The following MGAT5 variants were observed in gnomAD, a reference collection of about 807,000 sequenced individuals.
The protein encoded by MGAT5 is alpha-1,6-mannosylglycoprotein 6-beta-N-acetylglucosaminyltransferase A.
In MGAT5, 30 loss-of-function variants were observed where a neutral mutation model predicts 94.3. The observed-to-expected ratio is 0.32, with a 90% CI of 0.24 to 0.43. MGAT5 has a LOEUF of 0.43. MGAT5 is among the 20% of genes least tolerant of loss of function. The pLI, the probability that MGAT5 is intolerant of heterozygous loss-of-function variation, is 1.00. For synonymous variants in MGAT5, 310 were observed against 322.9 expected (o/e 0.96, Z 0.43); for missense variants, 691 against 905.5 (o/e 0.76, Z 3.04).
chr2:134,161,132 A>G (rs539981911), intron 1 of MGAT5, among the ~76,000 whole-genome samples: 2 of 152,346 alleles, frequency 1.3e-5, no homozygotes, highest in South Asian at 2.1e-4. Flanking sequence ...AGCTCTTTAC[A>G]GGATATATAA....
chr2:134,169,417 C>CACAG (rs1553487203), intron 1 of MGAT5, among the ~76,000 whole-genome samples: 1 of 128,680 alleles, frequency 7.8e-6, no homozygotes, highest in Non-Finnish European at 1.7e-5. Flanking sequence ...CACACAGACA[C>CACAG]ACACACACAC....
intron 1 of MGAT5, among the ~76,000 whole-genome samples, chr2:134,169,255 CA>C (rs1688086715): frequency 6.6e-6 from 1 of 152,012 alleles, no homozygotes. Flanking sequence ...AATGGGATTT[CA>C]AGGCCGGGCG....
intron 10 of MGAT5, among the ~76,000 whole-genome samples, chr2:134,365,048 A>G (rs1680338808): frequency 6.6e-6 from 1 of 152,022 alleles, no homozygotes; most frequent in South Asian, 2.1e-4. Flanking sequence ...CCCAATCCCG[A>G]TTCACCTCAG....
At chr2:134,260,443 G>A (rs1179555354) in intron 1 of MGAT5, among the ~76,000 whole-genome samples, 3 of 152,124 alleles carry the variant, frequency 2.0e-5, no homozygotes, top group Non-Finnish European at 4.4e-5. Flanking sequence ...TAGGGCTGCC[G>A]AAGATTGCTC....
chr2:134,171,216 A>G (rs1333711799), intron 1 of MGAT5, among the ~76,000 whole-genome samples: 3 of 152,164 alleles, frequency 2.0e-5, no homozygotes, highest in Non-Finnish European at 4.4e-5. Context: ...TTCTTCAGGG[A>G]GAAACAGCTA....
At chr2:134,175,656 T>G (rs1573795679) in intron 1 of MGAT5, among the ~76,000 whole-genome samples, 1 of 152,232 alleles carries the variant, frequency 6.6e-6, no homozygotes, top group Non-Finnish European at 1.5e-5. Flanking sequence ...TGGGTCCCAC[T>G]TGGCGGAGCT....
chr2:134,412,864 T>C lies in MGAT5; in HGVS notation c.1531-5T>C. ...TCATACGCTGTGTGGTTTTCTGTCT[T>C]ACAGTTGTTTGTTGGACTTGGGTTC... On this transcript the variant is annotated splice_polypyrimidine_tract_variant and splice_region_variant and intron_variant, in intron 11 of 15. Coordinates refer to ENST00000281923, the MANE Select transcript of MGAT5 (RefSeq NM_002410.5). The C allele has an allele frequency of 6.2e-7, 1 of 1,614,100 alleles. No homozygotes were observed. The highest frequency in any genetic ancestry group is 8.5e-7 in the Non-Finnish European group (1 of 1,179,974).
intron 2 of MGAT5, among the ~76,000 whole-genome samples, chr2:134,276,828 T>A (rs2105688082): frequency 6.6e-6 from 1 of 152,294 alleles, no homozygotes; most frequent in South Asian, 2.1e-4. Flanking sequence ...GTTAGAGATG[T>A]TCCTATGGCC....
intron 2 of MGAT5, among the ~76,000 whole-genome samples, chr2:134,281,625 G>A (rs1482243693): frequency 2.0e-5 from 3 of 152,156 alleles, no homozygotes; most frequent in Admixed American, 6.6e-5. Context: ...CCTGTCACAA[G>A]GCAGAAGTTG....
intron 2 of MGAT5, among the ~76,000 whole-genome samples, chr2:134,291,147 G>A (rs552861527): frequency 2.6e-5 from 4 of 152,216 alleles, no homozygotes; most frequent in Admixed American, 6.5e-5. Flanking sequence ...TTGAAGGTGT[G>A]TAGTGGACTA....
chr2:134,429,262 G>C (rs1347195986), intron 14 of MGAT5, among the ~76,000 whole-genome samples: 1 of 152,222 alleles, frequency 6.6e-6, no homozygotes, highest in African/African-American at 2.4e-5. Flanking sequence ...GCCCAAGGTG[G>C]GCTTCAAAGG....
At chr2:134,218,575 A>G (rs1263691474) in intron 1 of MGAT5, among the ~76,000 whole-genome samples, 1 of 152,066 alleles carries the variant, frequency 6.6e-6, no homozygotes, top group African/African-American at 2.4e-5. Context: ...TCCCTTCCAC[A>G]TGGTCTGCCG....
chr2:134,444,267 C>G (rs906915824), intron 15 of MGAT5, among the ~76,000 whole-genome samples: 1 of 152,206 alleles, frequency 6.6e-6, no homozygotes, highest in Non-Finnish European at 1.5e-5. Flanking sequence ...GGCCCCTCCC[C>G]ACCTCCGTAT....
chr2:134,412,729 C>G (rs1304766044), intron 11 of MGAT5, 140 bp from the exon 12 acceptor site: 4 of 1,051,718 alleles, frequency 3.8e-6, no homozygotes, highest in South Asian at 3.2e-5. Flanking sequence ...GCCCCACCCC[C>G]CAGGGCCTGG....
intron 8 of MGAT5, among the ~76,000 whole-genome samples, chr2:134,347,494 A>G (rs540633867): frequency 2.8e-4 from 42 of 152,320 alleles, no homozygotes; most frequent in African/African-American, 9.9e-4. Flanking sequence ...CAAAGTTAAA[A>G]ATGTCACTAG....
rs550940133 is a variant in MGAT5, at chr2:134,373,891, C to T, written c.1380+11483C>T. 4.6e-5 allele frequency among the ~76,000 whole-genome samples: 7 copies of T among 152,302 alleles called. No individual in the cohort carries two copies. In the South Asian group the frequency reaches 1.2e-3, roughly 27 times the overall value. On this transcript the variant is annotated intron_variant, in intron 10 of 15. Transcript: ENST00000281923. The stretch of plus-strand genomic sequence containing the variant: ...AAGGGTGAAAATCCCTGAGGTTGCT[C>T]CAGCTTCATCTTGGGAGAATAATGT...
At chr2:134,185,453 G>T (rs1205133433) in intron 1 of MGAT5, among the ~76,000 whole-genome samples, 1 of 152,098 alleles carries the variant, frequency 6.6e-6, no homozygotes, top group Non-Finnish European at 1.5e-5. Flanking sequence ...CAGTAAAAAA[G>T]AAACTTAAAA....
At chr2:134,208,691 A>T (rs1186406343) in intron 1 of MGAT5, among the ~76,000 whole-genome samples, 2 of 152,210 alleles carry the variant, frequency 1.3e-5, no homozygotes, top group African/African-American at 4.8e-5. Flanking sequence ...AAGAACTTGT[A>T]TTACTTATGT....
chr2:134,179,139 C>G (rs1420674463), intron 1 of MGAT5, among the ~76,000 whole-genome samples: 1 of 152,128 alleles, frequency 6.6e-6, no homozygotes, highest in Non-Finnish European at 1.5e-5. Flanking sequence ...AAGTGTTCTT[C>G]TTCTACCTGG....
Sources: gnomAD v4.1 joint callset for allele counts (sites outside exome capture counted in the v4.1 genomes callset) on GRCh38, gnomAD v4.1.1 for gene constraint, MANE v1.5 for transcripts, NCBI Gene and HGNC (gene_info 2026-07-23, HGNC 2026-07-21) for gene names.